The following TESK2 variants were observed in gnomAD, a reference collection of about 807,000 sequenced individuals.
The protein encoded by TESK2 is testis associated actin remodelling kinase 2.
TESK2 carries 39 observed loss-of-function variants against 57.1 expected under a neutral mutation model. The observed-to-expected ratio is 0.68, with a 90% CI of 0.53 to 0.89. TESK2 has a LOEUF of 0.89. TESK2 is among the 40% of genes least tolerant of loss of function. The pLI, the probability that TESK2 is intolerant of heterozygous loss-of-function variation, is 0.00. For synonymous variants in TESK2, 249 were observed against 267.9 expected (o/e 0.93, Z 0.69); for missense variants, 646 against 732.1 (o/e 0.88, Z 1.36).
intron 3 of TESK2, among the ~76,000 whole-genome samples, chr1:45,418,093 C>T: frequency 6.6e-6 from 1 of 152,096 alleles, no homozygotes; most frequent in South Asian, 2.1e-4. Flanking sequence ...TGCCAAAATG[C>T]TAATACTAGT....
chr1:45,477,782 A>G (rs1208942704), intron 1 of TESK2, among the ~76,000 whole-genome samples: 2 of 152,184 alleles, frequency 1.3e-5, no homozygotes, highest in Admixed American at 6.5e-5. Flanking sequence ...CTGCTCCACT[A>G]TAATTAGGCT....
intron 3 of TESK2, among the ~76,000 whole-genome samples, chr1:45,412,769 A>G (rs578183162): frequency 5.3e-5 from 8 of 152,344 alleles, no homozygotes; most frequent in Admixed American, 2.0e-4. Flanking sequence ...CTATAATCCC[A>G]GCATTTTGGG....
At chr1:45,447,496 T>C (rs531050820) in intron 2 of TESK2, among the ~76,000 whole-genome samples, 2 of 152,090 alleles carry the variant, frequency 1.3e-5, no homozygotes, top group Non-Finnish European at 2.9e-5. Flanking sequence ...ATAACACACA[T>C]GGAGCTATCA....
At chr1:45,407,687 G>T (rs944225667) in intron 3 of TESK2, among the ~76,000 whole-genome samples, 3 of 152,142 alleles carry the variant, frequency 2.0e-5, no homozygotes, top group African/African-American at 4.8e-5. Flanking sequence ...CTTGCCTGCA[G>T]CCATGTAAGA....
intron 2 of TESK2, among the ~76,000 whole-genome samples, chr1:45,434,955 C>CTTTCTTTTTTTTTTTT: frequency 7.9e-6 from 1 of 126,918 alleles, no homozygotes. Flanking sequence ...GTTTACTTTT[C>CTTTCTTTTTTTTTTTT]TTTCTTTTTT....
rs185244943 is a variant in TESK2 at position 45,407,234 on chromosome 1, G to C, written c.344+14491C>G. On this transcript the variant is annotated intron_variant, in intron 3 of 10. Coordinates refer to ENST00000372086, the MANE Select transcript of TESK2 (RefSeq NM_007170.3). ...CTGGGTAGGTAGGACCACAGGTGGTGGCCCCACAATGGGTTTTTTTTTGTT... is the reference window on the plus strand; with the variant it reads ...CTGGGTAGGTAGGACCACAGGTGGTCGCCCCACAATGGGTTTTTTTTTGTT... 4.5e-4 allele frequency among the ~76,000 whole-genome samples: 54 copies of C among 120,894 alleles called. 1 individual carries two copies. The highest frequency in any genetic ancestry group is 1.3e-3 in the African/African-American group (45 of 35,032). The allele number at this position is 120,894 out of a possible 152,430, so 79.3% of individuals were successfully genotyped here. A position where few individuals can be genotyped will look rare whatever the true frequency, so the allele number is the denominator to read the frequency against.
In TESK2 at chr1:45,357,321, A is replaced by T. The variant is rs1054778275; in HGVS notation, c.394-1872T>A. Reference sequence around the variant, plus strand: ...AGGAAAGCATTCTACAAAGGAAATGACTGACAGTATCAAAAGCCATGAATG... The same window carrying T: ...AGGAAAGCATTCTACAAAGGAAATGTCTGACAGTATCAAAAGCCATGAATG... On this transcript the variant is annotated intron_variant, in intron 4 of 10. Coordinates refer to ENST00000372086, the MANE Select transcript of TESK2 (RefSeq NM_007170.3). 5.9e-5 allele frequency among the ~76,000 whole-genome samples: 9 copies of T among 152,174 alleles called. No individual in the cohort carries two copies. The South Asian group carries it at 1.9e-3, about 32-fold the overall frequency.
At chr1:45,417,565 C>T (rs1167217076) in intron 3 of TESK2, among the ~76,000 whole-genome samples, 1 of 152,070 alleles carries the variant, frequency 6.6e-6, no homozygotes. Flanking sequence ...AAATTGTCTA[C>T]CCAATCTCAT....
intron 4 of TESK2, among the ~76,000 whole-genome samples, chr1:45,363,070 T>A (rs759916427): frequency 2.6e-5 from 4 of 152,128 alleles, no homozygotes; most frequent in Non-Finnish European, 4.4e-5. Context: ...TCAGAGACAT[T>A]AGAGGTAGAA....
At chr1:45,365,245 T>C (rs1470332249) in intron 4 of TESK2, among the ~76,000 whole-genome samples, 1 of 152,038 alleles carries the variant, frequency 6.6e-6, no homozygotes, top group Non-Finnish European at 1.5e-5. Flanking sequence ...CAAGCGTACA[T>C]CCGTATATCT....
chr1:45,369,498 T>C (rs1290226696), intron 4 of TESK2, among the ~76,000 whole-genome samples: 1 of 151,312 alleles, frequency 6.6e-6, no homozygotes, highest in Non-Finnish European at 1.5e-5. Flanking sequence ...CATCTCTAAA[T>C]AAATAAATAA....
intron 5 of TESK2, among the ~76,000 whole-genome samples, chr1:45,354,782 G>A (rs547704639): frequency 1.5e-3 from 93 of 61,660 alleles, no homozygotes; most frequent in African/African-American, 5.8e-3. Flanking sequence ...AGGTGAGACC[G>A]TCTCAAAAAA....
At chr1:45,478,025 A>G (rs938812238) in intron 1 of TESK2, among the ~76,000 whole-genome samples, 1 of 152,164 alleles carries the variant, frequency 6.6e-6, no homozygotes, top group African/African-American at 2.4e-5. Flanking sequence ...AGGCTAAGTA[A>G]ACTTCTGAGA....
At chr1:45,373,032 A>G (rs1442383223) in intron 4 of TESK2, among the ~76,000 whole-genome samples, 4 of 150,476 alleles carry the variant, frequency 2.7e-5, no homozygotes, top group African/African-American at 9.7e-5. Flanking sequence ...CCGTCTCAAA[A>G]AAAAAAAAAA....
At chr1:45,381,123 T>C (rs971326583) in intron 4 of TESK2, among the ~76,000 whole-genome samples, 2 of 152,222 alleles carry the variant, frequency 1.3e-5, no homozygotes, top group East Asian at 3.8e-4. Context: ...GTATCAACCA[T>C]AGCATTCTGC....
intron 2 of TESK2, among the ~76,000 whole-genome samples, chr1:45,453,099 C>A (rs151218556): frequency 2.6e-5 from 4 of 151,478 alleles, no homozygotes; most frequent in South Asian, 2.1e-4. Flanking sequence ...GTAATCCCAG[C>A]ACTTTGGGAG....
chr1:45,396,883 A>G (rs1197850023), intron 3 of TESK2, among the ~76,000 whole-genome samples: 1 of 143,546 alleles, frequency 7.0e-6, no homozygotes, highest in Non-Finnish European at 1.5e-5. Context: ...CAGTGGCACA[A>G]TCTTGGCTCA....
At chr1:45,368,509 G>A (rs1045965626) in intron 4 of TESK2, among the ~76,000 whole-genome samples, 15 of 151,262 alleles carry the variant, frequency 9.9e-5, no homozygotes, top group Non-Finnish European at 1.0e-4. Flanking sequence ...GAGTACCTGG[G>A]ACTACAGGCG....
chr1:45,444,627 CAA>C (rs1286416596), intron 2 of TESK2, among the ~76,000 whole-genome samples: 4 of 152,162 alleles, frequency 2.6e-5, no homozygotes, highest in African/African-American at 9.7e-5. Flanking sequence ...CCAGCAGAGG[CAA>C]AAGTTAGTTC....
Sources: gnomAD v4.1 joint callset for allele counts (sites outside exome capture counted in the v4.1 genomes callset) on GRCh38, gnomAD v4.1.1 for gene constraint, MANE v1.5 for transcripts, NCBI Gene and HGNC (gene_info 2026-07-23, HGNC 2026-07-21) for gene names.